Variants in DCTN1 observed in about 807,000 individuals in gnomAD.
DCTN1 encodes the protein 150 kDa dynein-associated polypeptide.
DCTN1 carries 61 observed loss-of-function variants against 161.2 expected under a neutral mutation model. The ratio of observed to expected loss-of-function variants is 0.38; its 90% CI spans 0.31 to 0.47. The LOEUF is 0.47. DCTN1 is among the 20% of genes least tolerant of loss of function. The pLI, the probability that DCTN1 is intolerant of heterozygous loss-of-function variation, is 0.99. For synonymous variants in DCTN1, 653 were observed against 632.4 expected (o/e 1.03, Z -0.49); for missense variants, 1,404 against 1,623.7 (o/e 0.86, Z 2.33).
chr2:74,366,575 C>T lies in DCTN1; in HGVS notation c.2512G>A (p.Val838Met). 5.6e-6 allele frequency: 9 copies of T among 1,613,420 alleles called. No individual in the cohort carries two copies. The highest frequency in any genetic ancestry group is 7.6e-6 in the Non-Finnish European group (9 of 1,180,014). Residue 838 changes from valine (V) to methionine (M), a missense_variant, in exon 22 of 32, where the codon GTG becomes ATG. Physicochemically the swap from Val to Met is conservative, Grantham distance 21. Around this residue, in one of 9 missense-constraint regions of DCTN1, gnomAD observed 475 missense variants for 489.8 expected, o/e 0.97. Transcript: ENST00000628224. ...GCTGCCACCTCCTGCAGCACAGCCACGACCCACGTCAAGTGTTTCCTGCAG... is the reference window on the plus strand; with the variant it reads ...GCTGCCACCTCCTGCAGCACAGCCATGACCCACGTCAAGTGTTTCCTGCAG... ...LDCRKHLTWV[V>M]AVLQEVAAAA... is the part of the protein sequence containing the mutation.
rs1173876533 is a variant in DCTN1, at chr2:74,370,501, C to T, written c.1092G>A (p.Glu364=). 3 of 1,614,204 alleles carry T rather than the reference C, an allele frequency of 1.9e-6. No homozygotes were observed. The highest frequency in any genetic ancestry group is 2.2e-5 in the East Asian group (1 of 44,886). The change falls in exon 11 of 32, where the codon GAG becomes GAA. Residue 364 remains glutamate (E), a synonymous_variant. Coordinates refer to ENST00000628224, the MANE Select transcript of DCTN1 (RefSeq NM_004082.5). The surrounding 1 kb of genome is among the most constrained non-coding windows in gnomAD (Gnocchi z 4.4). ...CATCCTTCAGGCGGGCATTCTGCTC[C>T]TCAAGCTGCTTGAGCTGATAACTGG... ...AASSYQLKQL[E]EQNARLKDAL...
intron 7 of DCTN1, chr2:74,372,061 A>C: frequency 2.9e-6 from 1 of 350,610 alleles, no homozygotes; most frequent in Non-Finnish European, 5.4e-6. Flanking sequence ...TAAGAGCAGA[A>C]TCCGTTATTC....
Position 74,387,747 on chromosome 2 carries a change from G to A in DCTN1, c.-19+4047C>T, listed in dbSNP as rs146862097. Among the ~76,000 whole-genome samples the A allele has an allele frequency of 3.1e-3, 469 of 150,802 alleles. 1 individual carries two copies. The highest frequency in any genetic ancestry group is 0.011 in the African/African-American group (432 of 40,426). On this transcript the variant is annotated intron_variant, in intron 1 of 27. Transcript: ENST00000409240. Reference sequence around the variant, plus strand: ...GTCTATGATATTACAAGAGTCTCCCGATGTCCCTGAACCAGGTTCTCCCCC... The same window carrying A: ...GTCTATGATATTACAAGAGTCTCCCAATGTCCCTGAACCAGGTTCTCCCCC...
chr2:74,362,637 A>G lies in DCTN1; in HGVS notation c.3609+13T>C. On this transcript the variant is annotated intron_variant, in intron 30 of 31. Transcript: ENST00000628224. The stretch of plus-strand genomic sequence containing the variant: ...TGCTGTGAAGTGAGCTCTGCCTGGC[A>G]AACTGAGCTGACCTTGAGCTTCTCG... 2 of 1,613,226 alleles carry G rather than the reference A, an allele frequency of 1.2e-6. No homozygotes were observed.
intron 6 of DCTN1, chr2:74,373,230 A>C (rs1304912775): frequency 1.9e-5 from 10 of 513,556 alleles, no homozygotes; most frequent in Middle Eastern, 5.4e-4. Context: ...CCAGAAGTCC[A>C]TCTCTAGGCT....
chr2:74,368,063 C>T lies in DCTN1; in HGVS notation c.1923G>A (p.Gly641=). 6.2e-7 allele frequency: 1 copy of T among 1,612,748 alleles called. No individual in the cohort carries two copies. The highest frequency in any genetic ancestry group is 8.5e-7 in the Non-Finnish European group (1 of 1,179,332). The change falls in exon 17 of 32, where the codon GGG becomes GGA. Residue 641 remains glycine (G), a synonymous_variant. Transcript: ENST00000628224. The stretch of plus-strand genomic sequence containing the variant: ...GTTGCTCCCCAGCAGCTCCTCGCAG[C>T]CCAGGCCGCTCTGAACAGTTCTCAC... ...ELSENCSERP[G]LRGAAGEQLS...
intron 26 of DCTN1, 63 bp from the exon 27 acceptor site, chr2:74,363,691 G>A: frequency 6.2e-7 from 1 of 1,604,772 alleles, no homozygotes; most frequent in Non-Finnish European, 8.5e-7. Context: ...GTGATTTGGG[G>A]GTTACGGGGA....
In DCTN1 at chr2:74,365,930, G is replaced by A; in HGVS notation, c.2849C>T (p.Thr950Ile). Residue 950 changes from threonine (T) to isoleucine (I), a missense_variant, in exon 24 of 32, where the codon ACA becomes ATA. Around this residue, in one of 9 missense-constraint regions of DCTN1, gnomAD observed 475 missense variants for 489.8 expected, o/e 0.97. Coordinates refer to ENST00000628224, the MANE Select transcript of DCTN1 (RefSeq NM_004082.5). ...GLGLKLEDRE[T>I]VIKELKKSLK... ...TGACTTCTTCAACTCCTTAATAACT[G>A]TCTCTCGATCTTCGAGCTTCAAACC... 6.2e-7 allele frequency: 1 copy of A among 1,614,178 alleles called. No homozygotes were observed. The highest frequency in any genetic ancestry group is 8.5e-7 in the Non-Finnish European group (1 of 1,180,042).
intron 1 of DCTN1, 42 bp downstream of exon 1, chr2:74,379,963 C>A (rs572103196): frequency 6.2e-7 from 1 of 1,606,542 alleles, no homozygotes; most frequent in South Asian, 1.1e-5. Context: ...CCAGGCCTTC[C>A]CCAGCAGCCC....
rs1674162158 is a variant in DCTN1, at chr2:74,363,344, C to T, written c.3295G>A (p.Ala1099Thr). ...DSPLLLQQIS[A>T]MRLHISQLQH... Reference sequence around the variant, plus strand: ...AGCTGGGAGATGTGCAGCCTCATGGCAGAGATCTGCTGAAGCAGCAGTGGT... The same window carrying T: ...AGCTGGGAGATGTGCAGCCTCATGGTAGAGATCTGCTGAAGCAGCAGTGGT... Residue 1099 changes from alanine to threonine, a missense_variant, in exon 28 of 32, where the codon GCC becomes ACC. Physicochemically the swap from Ala to Thr is moderately conservative, Grantham distance 58 (BLOSUM62 0). Coordinates refer to ENST00000628224, the MANE Select transcript of DCTN1 (RefSeq NM_004082.5). The T allele has an allele frequency of 6.2e-7, 1 of 1,613,116 alleles. No individual in the cohort carries two copies. The highest frequency in any genetic ancestry group is 2.2e-5 in the East Asian group (1 of 44,852).
chr2:74,367,596 A>G lies in DCTN1; in HGVS notation c.2184+100T>C, dbSNP rs556483927. 22 of 1,576,498 alleles carry G rather than the reference A, an allele frequency of 1.4e-5. No homozygotes were observed. In the African/African-American group the frequency reaches 2.8e-4, roughly 20 times the overall value. On this transcript the variant is annotated intron_variant, in intron 18 of 31. Coordinates refer to ENST00000628224, the MANE Select transcript of DCTN1 (RefSeq NM_004082.5). ...TCTAAGAGCAAACCAGGCCTCAAGCAGCAAGCATGGGACATACAACCTTGA... is the reference window on the plus strand; with the variant it reads ...TCTAAGAGCAAACCAGGCCTCAAGCGGCAAGCATGGGACATACAACCTTGA...
At chr2:74,374,786 C>G (rs1014664869) in intron 5 of DCTN1, 4 of 1,081,534 alleles carry the variant, frequency 3.7e-6, no homozygotes, top group Non-Finnish European at 3.4e-6. Context: ...TCCTCCTCCT[C>G]ATGACAGTCA....
rs2103656736 is a variant in DCTN1 at position 74,370,365 on chromosome 2, G to A, written c.1128-20C>T. 1 of 1,613,988 alleles carries A rather than the reference G, an allele frequency of 6.2e-7. No individual in the cohort carries two copies. Among genetic ancestry groups the A allele is most frequent in the Non-Finnish European group, 8.5e-7 (1 of 1,180,030 alleles). On this transcript the variant is annotated intron_variant, in intron 11 of 31. Transcript: ENST00000628224. The surrounding 1 kb of genome is among the most constrained non-coding windows in gnomAD (Gnocchi z 4.4). ...CGCATCCTGCAGGGATGTGAGGAAG[G>A]CAGAAGGAGGAAAGCACGTGTCAGA...
chr2:74,391,622 C>G, intron 1 of DCTN1: 1 of 360,172 alleles, frequency 2.8e-6, no homozygotes, highest in South Asian at 2.1e-5. Flanking sequence ...TGAGGTGGGT[C>G]AGACCGGCCT....
chr2:74,370,870 C>T lies in DCTN1; in HGVS notation c.844-45G>A, dbSNP rs775034664. ...GGGAGGGGGTACCAGCACAGAGATG[C>T]CCCAGGCCTTTCTCACAGTATGTTC... On this transcript the variant is annotated intron_variant, in intron 9 of 31. Coordinates refer to ENST00000628224, the MANE Select transcript of DCTN1 (RefSeq NM_004082.5). This position sits in a 1 kb window ranked among gnomAD's most constrained non-coding sequence, Gnocchi z 4.4. The T allele has an allele frequency of 6.2e-7, 1 of 1,613,548 alleles. No homozygotes were observed. The highest frequency in any genetic ancestry group is 8.5e-7 in the Non-Finnish European group (1 of 1,179,618).
chr2:74,365,509 C>A lies in DCTN1; in HGVS notation c.3029+6G>T, dbSNP rs754143116. The A allele has an allele frequency of 4.2e-5, 67 of 1,614,018 alleles. No individual in the cohort carries two copies. In the Admixed American group the frequency reaches 1.0e-3, roughly 24 times the overall value. The stretch of plus-strand genomic sequence containing the variant: ...AGGAAGCAAGGCCCCAGGGAAAGTG[C>A]CTGACTTCTCCTTCTTTCGCAGCAG... On this transcript the variant is annotated splice_donor_region_variant and intron_variant, in intron 25 of 31. Transcript: ENST00000628224.
At chr2:74,384,780 A>G (rs1315582586), upstream of DCTN1, among the ~76,000 whole-genome samples, 2 of 152,164 alleles carry the variant, frequency 1.3e-5, no homozygotes, top group Non-Finnish European at 2.9e-5. Flanking sequence ...GGCTAACCCA[A>G]CTGTCTGCTT....
At chr2:74,373,169 C>T in intron 6 of DCTN1, 2 of 627,992 alleles carry the variant, frequency 3.2e-6, no homozygotes, top group South Asian at 3.5e-5. Context: ...TTCCTGCTCC[C>T]ACTTTTGTCC....
chr2:74,365,900 T>C lies in DCTN1; in HGVS notation c.2879A>G (p.Lys960Arg), dbSNP rs1354697657. 3.1e-6 allele frequency: 5 copies of C among 1,614,246 alleles called. No homozygotes were observed. Among genetic ancestry groups the C allele is most frequent in the South Asian group, 1.1e-5 (1 of 91,090 alleles). Residue 960 changes from lysine to arginine, a missense_variant, in exon 24 of 32, where the codon AAG becomes AGG. This residue lies in a region of DCTN1 where 475 missense variants were observed against 489.8 expected (regional missense o/e 0.97). Transcript: ENST00000628224. Reference sequence around the variant, plus strand: ...AGCCTACACTACCCTCACCTTAATCTTGAGTGACTTCTTCAACTCCTTAAT... The same window carrying C: ...AGCCTACACTACCCTCACCTTAATCCTGAGTGACTTCTTCAACTCCTTAAT... The part of the protein sequence containing the change: ...TVIKELKKSL[K>R]IKGEELSEAN...
Sources: gnomAD v4.1 joint callset for allele counts (sites outside exome capture counted in the v4.1 genomes callset) on GRCh38, gnomAD v4.1.1 for gene constraint, gnomAD v4.1.1 regional missense constraint, Gnocchi (gnomAD v3.1) non-coding constraint, MANE v1.5 for transcripts, NCBI Gene and HGNC (gene_info 2026-07-23, HGNC 2026-07-21) for gene names.